MEX3D: variants seen among roughly 807,000 people sequenced by gnomAD.
MEX3D encodes RNA-binding protein MEX3D.
Under a neutral mutation model 6.3 loss-of-function variants are expected in MEX3D, and 4 were observed. The observed-to-expected ratio is 0.64, with a 90% CI of 0.31 to 1.46. The LOEUF (loss-of-function observed/expected upper bound fraction) is 1.46, where lower values mean the gene tolerates loss of function less well. MEX3D is among the 40% of genes most tolerant of loss of function. The probability of loss-of-function intolerance (pLI) is 0.07; values close to 1 mark genes in which losing one functional copy is unlikely to be tolerated. For missense variants in MEX3D, 1,038 were observed against 994.4 expected (o/e 1.04, Z -0.59); for synonymous variants, 626 against 494.1 (o/e 1.27, Z -3.54).
In MEX3D at chr19:1,555,830, C is replaced by T; in HGVS notation, c.1689G>A (p.Ser563=). The stretch of plus-strand genomic sequence containing the variant: ...CGGCGGCCGCGGGGCTGCTGGGCAG[C>T]GAGGTGGCCGTGGAGAAGGCGGCGC... The part of the protein sequence containing the change: ...PGGAAFSTAT[S]LPSSPAAAAC... Residue 563 remains serine, a synonymous_variant, in exon 2 of 2, where the codon TCG becomes TCA. Transcript: ENST00000402693. 3.0e-6 allele frequency: 4 copies of T among 1,351,182 alleles called. No homozygotes were observed. In the South Asian group the frequency reaches 6.9e-5, roughly 23 times the overall value. The allele number at this position is 1,351,182 out of a possible 1,614,324, so 83.7% of individuals were successfully genotyped here. A position where few individuals can be genotyped will look rare whatever the true frequency, so the allele number is the denominator to read the frequency against.
rs761348614 is a variant in MEX3D at position 1,556,672 on chromosome 19, G to A, written c.847C>T (p.Arg283Trp). 1 of 1,610,710 alleles carries A rather than the reference G, an allele frequency of 6.2e-7. No individual in the cohort carries two copies. The part of the protein sequence containing the change: ...QTTIQVRVPY[R>W]VVGLVVGPKG... ...GGCCCCACCACCAGCCCCACCACCC[G>A]GTAGGGCACGCGCACCTGGATGGTG... The change falls in exon 2 of 2, where the codon CGG becomes TGG. Residue 283 changes from arginine (R) to tryptophan (W), a missense_variant. Arg to Trp is a moderately radical substitution (Grantham distance 101). Coordinates refer to ENST00000402693, the MANE Select transcript of MEX3D (RefSeq NM_203304.4). The surrounding 1 kb of genome is among the most constrained non-coding windows in gnomAD (Gnocchi z 7.5).
Position 1,555,209 on chromosome 19 carries a change from A to T in MEX3D, c.*354T>A. Reference sequence around the variant, plus strand: ...AAGGAAAAAACGCTGAGCGCTGGAAAAGTCGTGTTTTTTGTTTTGCTTTTT... The same window carrying T: ...AAGGAAAAAACGCTGAGCGCTGGAATAGTCGTGTTTTTTGTTTTGCTTTTT... On this transcript the variant is annotated 3_prime_UTR_variant, in exon 2 of 2. Coordinates refer to ENST00000402693, the MANE Select transcript of MEX3D (RefSeq NM_203304.4). 1 of 1,014,616 alleles carries T rather than the reference A, an allele frequency of 9.9e-7. No homozygotes were observed. The highest frequency in any genetic ancestry group is 1.3e-6 in the Non-Finnish European group (1 of 751,354). 62.9% of individuals were successfully genotyped at this position (1,014,616 alleles called of 1,614,324 possible).
In MEX3D at chr19:1,556,141, G is replaced by GGAAGTC. The variant is rs751113265; in HGVS notation, c.1372_1377dup (p.Asp458_Phe459dup). 2.3e-3 allele frequency: 3,465 copies of GGAAGTC among 1,475,228 alleles called. 7 individuals are homozygous for GGAAGTC. Among genetic ancestry groups the GGAAGTC allele is most frequent in the Non-Finnish European group, 2.9e-3 (3,274 of 1,113,398 alleles). The allele number at this position is 1,475,228 out of a possible 1,614,324, so 91.4% of individuals were successfully genotyped here. ...GCGGGCACGGTCAGGTCCAGCGCCA[G>GGAAGTC]GAAGTCGAAGTCGAAGCCGAAGTCG... On this transcript the variant is annotated inframe_insertion, in exon 2 of 2. Coordinates refer to ENST00000402693, the MANE Select transcript of MEX3D (RefSeq NM_203304.4). The surrounding 1 kb of genome is among the most constrained non-coding windows in gnomAD (Gnocchi z 7.5).
In MEX3D at chr19:1,567,137, C is replaced by G. The variant is rs1038185121; in HGVS notation, c.595+327G>C. 5.3e-5 allele frequency among the ~76,000 whole-genome samples: 8 copies of G among 152,068 alleles called. No homozygotes were observed. The highest frequency in any genetic ancestry group is 7.4e-5 in the Non-Finnish European group (5 of 67,966). On this transcript the variant is annotated intron_variant, in intron 1 of 1. Coordinates refer to ENST00000402693, the MANE Select transcript of MEX3D (RefSeq NM_203304.4). The surrounding 1 kb of genome is among the most constrained non-coding windows in gnomAD (Gnocchi z 6.5). Reference sequence around the variant, plus strand: ...CCGCCCGGCCGGAGCCCCGGGCCCTCGAGCCCCTCTCTGGGGTGCCCCTGC... The same window carrying G: ...CCGCCCGGCCGGAGCCCCGGGCCCTGGAGCCCCTCTCTGGGGTGCCCCTGC...
chr19:1,557,565 A>G (rs771968656), intron 1 of MEX3D, among the ~76,000 whole-genome samples: 17 of 113,788 alleles, frequency 1.5e-4, no homozygotes, highest in Non-Finnish European at 2.6e-4. Context: ...GACTCCAACT[A>G]AAAAAAAAAA....
chr19:1,556,304 G>T lies in MEX3D; in HGVS notation c.1215C>A (p.Phe405Leu). Reference sequence around the variant, plus strand: ...AGGGGCCGCCGCGGCTGCCCGCGTAGAAGGCCTCGGGGGCGCTGGGGGCGC... The same window carrying T: ...AGGGGCCGCCGCGGCTGCCCGCGTATAAGGCCTCGGGGGCGCTGGGGGCGC... Reference protein sequence around the residue: ...ALGAPSAPEAFYAGSRGGPSV... With the variant: ...ALGAPSAPEALYAGSRGGPSV... The change falls in exon 2 of 2, where the codon TTC becomes TTA. Residue 405 changes from phenylalanine (F) to leucine (L), a missense_variant. This residue lies in a region of MEX3D where 581 missense variants were observed against 516.2 expected (regional missense o/e 1.13). Coordinates refer to ENST00000402693, the MANE Select transcript of MEX3D (RefSeq NM_203304.4). This position sits in a 1 kb window ranked among gnomAD's most constrained non-coding sequence, Gnocchi z 7.5. 7.7e-7 allele frequency: 1 copy of T among 1,300,998 alleles called. No individual in the cohort carries two copies. The highest frequency in any genetic ancestry group is 9.7e-7 in the Non-Finnish European group (1 of 1,028,580). The allele number at this position is 1,300,998 out of a possible 1,614,324, so 80.6% of individuals were successfully genotyped here.
At chr19:1,560,905 C>T (rs528665782) in intron 1 of MEX3D, among the ~76,000 whole-genome samples, 1 of 152,312 alleles carries the variant, frequency 6.6e-6, no homozygotes, top group South Asian at 2.1e-4. Flanking sequence ...TCCCAGCCCA[C>T]CCCTGCCCCA....
intron 1 of MEX3D, among the ~76,000 whole-genome samples, chr19:1,564,005 C>T (rs1914780603): frequency 6.6e-6 from 1 of 150,660 alleles, no homozygotes; most frequent in African/African-American, 2.4e-5. Flanking sequence ...GACAGGGTTT[C>T]GCCATGTTGG....
At chr19:1,561,989 C>T (rs181095438) in intron 1 of MEX3D, among the ~76,000 whole-genome samples, 55 of 151,654 alleles carry the variant, frequency 3.6e-4, no homozygotes, top group African/African-American at 1.2e-3. Flanking sequence ...TGGCCGGGCA[C>T]GGTGGCTCAC....
Position 1,567,863 on chromosome 19 carries a change from G to T in MEX3D, c.196C>A (p.Leu66Met). The T allele has an allele frequency of 1.0e-6, 1 of 1,001,614 alleles. No individual in the cohort carries two copies. The highest frequency in any genetic ancestry group is 1.2e-6 in the Non-Finnish European group (1 of 842,132). 62.0% of individuals were successfully genotyped at this position (1,001,614 alleles called of 1,614,324 possible). Residue 66 changes from leucine (L) to methionine (M), a missense_variant, in exon 1 of 2, where the codon CTG (leucine) becomes ATG (methionine). Physicochemically the swap from Leu to Met is conservative, Grantham distance 15. This residue lies in a region of MEX3D where 265 missense variants were observed against 206.3 expected (regional missense o/e 1.28). Coordinates refer to ENST00000402693, the MANE Select transcript of MEX3D (RefSeq NM_203304.4). The surrounding 1 kb of genome is among the most constrained non-coding windows in gnomAD (Gnocchi z 6.5). ...GCGCCCCCCAGCCCGAGCGCCGACA[G>T]CTGGTCCAGCGCCAGGCGGAGCGCG... is the stretch of plus-strand genomic sequence containing the variant. ...AAALRLALDQ[L>M]SALGLGGAGD...
Position 1,568,200 on chromosome 19 carries a change from C to T in MEX3D, c.-142G>A. The T allele has an allele frequency of 2.3e-6, 1 of 443,282 alleles. No individual in the cohort carries two copies. Among genetic ancestry groups the T allele is most frequent in the Non-Finnish European group, 2.9e-6 (1 of 344,874 alleles). The allele number at this position is 443,282 out of a possible 1,614,324, so 27.5% of individuals were successfully genotyped here. A position where few individuals can be genotyped will look rare whatever the true frequency, so the allele number is the denominator to read the frequency against. On this transcript the variant is annotated 5_prime_UTR_variant, in exon 1 of 2. Transcript: ENST00000402693. Reference sequence around the variant, plus strand: ...GGCACGGGGGGCCGGGCGGGCGGGGCGGCGGCGGCGCGGGGCTGCTCGGGG... The same window carrying T: ...GGCACGGGGGGCCGGGCGGGCGGGGTGGCGGCGGCGCGGGGCTGCTCGGGG...
At position 1,555,620 on chromosome 19, in the gene MEX3D, C is replaced by A; in HGVS notation, c.1899G>T (p.Glu633Asp). 1.9e-6 allele frequency: 3 copies of A among 1,591,488 alleles called. No homozygotes were observed. Among genetic ancestry groups the A allele is most frequent in the Non-Finnish European group, 2.6e-6 (3 of 1,171,296 alleles). Residue 633 changes from glutamate to aspartate, a missense_variant, in exon 2 of 2, where the codon GAG (glutamate) becomes GAT (aspartate). Glu to Asp is a conservative substitution (Grantham distance 45, BLOSUM62 2). Around this residue, in one of 5 missense-constraint regions of MEX3D, gnomAD observed 581 missense variants for 516.2 expected, o/e 1.13. Transcript: ENST00000402693. ...GCGTGCGGCAGGCGGGACACTCGGGCTCGCTCTTGCCGCAGATGCGGACGG... is the reference window on the plus strand; with the variant it reads ...GCGTGCGGCAGGCGGGACACTCGGGATCGCTCTTGCCGCAGATGCGGACGG... The part of the protein sequence containing the change: ...DCAVRICGKS[E>D]PECPACRTPA...
intron 1 of MEX3D, among the ~76,000 whole-genome samples, chr19:1,560,334 G>T (rs1914686032): frequency 6.6e-6 from 1 of 152,244 alleles, no homozygotes; most frequent in East Asian, 1.9e-4. Context: ...GGGGAAGGAG[G>T]TGCCACCCAC....
chr19:1,555,684 AGCGCAG>A lies in MEX3D; in HGVS notation c.1829_1834del (p.Ala610_Leu612delinsVal). 1 of 1,573,438 alleles carries A rather than the reference AGCGCAG, an allele frequency of 6.4e-7. No homozygotes were observed. The highest frequency in any genetic ancestry group is 8.6e-7 in the Non-Finnish European group (1 of 1,163,820). On this transcript the variant is annotated inframe_deletion, in exon 2 of 2. Coordinates refer to ENST00000402693, the MANE Select transcript of MEX3D (RefSeq NM_203304.4). ...GAAGAGGTTGTGGCCGCAGGGGACC[AGCGCAG>A]CCATCACCTCGCCCTCGGCGCACAC...
At chr19:1,559,467 T>C (rs978301464) in intron 1 of MEX3D, among the ~76,000 whole-genome samples, 1 of 152,152 alleles carries the variant, frequency 6.6e-6, no homozygotes, top group Non-Finnish European at 1.5e-5. Context: ...GATCTCACTA[T>C]ATTGCCCAGG....
chr19:1,556,692 A>G lies in MEX3D; in HGVS notation c.827T>C (p.Ile276Thr), dbSNP rs1914575779. Residue 276 changes from isoleucine (I) to threonine (T), a missense_variant, in exon 2 of 2, where the codon ATC becomes ACC. Transcript: ENST00000402693. The surrounding 1 kb of genome is among the most constrained non-coding windows in gnomAD (Gnocchi z 7.5). ...GPPNLPGQTTIQVRVPYRVVG... is the reference protein window; with the variant it reads ...GPPNLPGQTTTQVRVPYRVVG... The stretch of plus-strand genomic sequence containing the variant: ...CACCCGGTAGGGCACGCGCACCTGG[A>G]TGGTGGTCTGTCCGGGAAGGTTGGG... 2 of 1,610,744 alleles carry G rather than the reference A, an allele frequency of 1.2e-6. No individual in the cohort carries two copies. Among genetic ancestry groups the G allele is most frequent in the East Asian group, 2.2e-5 (1 of 44,800 alleles).
chr19:1,561,401 C>T (rs909697818), intron 1 of MEX3D, among the ~76,000 whole-genome samples: 10 of 152,326 alleles, frequency 6.6e-5, no homozygotes, highest in East Asian at 1.9e-4. Flanking sequence ...CAGTCCAACA[C>T]GCAGCCGCCC....
intron 1 of MEX3D, among the ~76,000 whole-genome samples, chr19:1,566,234 C>A (rs78422200): frequency 2.6e-3 from 398 of 152,310 alleles, no homozygotes; most frequent in African/African-American, 8.8e-3. Context: ...CACTCCAGAG[C>A]ATGCTTCCTG....
At position 1,567,841 on chromosome 19, in the gene MEX3D, C is replaced by A. The variant is rs949929678; in HGVS notation, c.218G>T (p.Gly73Val). 2.0e-6 allele frequency: 2 copies of A among 1,001,024 alleles called. No homozygotes were observed. The highest frequency in any genetic ancestry group is 8.1e-5 in the South Asian group (2 of 24,788). The allele number at this position is 1,001,024 out of a possible 1,614,324, so 62.0% of individuals were successfully genotyped here. Residue 73 changes from glycine to valine, a missense_variant, in exon 1 of 2, where the codon GGC (glycine) becomes GTC (valine). By Grantham distance (109) the Gly-to-Val change is moderately radical. Around this residue, in one of 5 missense-constraint regions of MEX3D, gnomAD observed 265 missense variants for 206.3 expected, o/e 1.28. Transcript: ENST00000402693. The surrounding 1 kb of genome is among the most constrained non-coding windows in gnomAD (Gnocchi z 6.5). Reference sequence around the variant, plus strand: ...CCCCTCCTCGTCCGTGTCGCCAGCGCCCCCCAGCCCGAGCGCCGACAGCTG... The same window carrying A: ...CCCCTCCTCGTCCGTGTCGCCAGCGACCCCCAGCCCGAGCGCCGACAGCTG... ...LDQLSALGLG[G>V]AGDTDEEGAA...
Sources: allele counts gnomAD v4.1 joint callset (sites outside exome capture counted in the v4.1 genomes callset), GRCh38; gene constraint gnomAD v4.1.1; regional missense constraint gnomAD v4.1.1; non-coding constraint Gnocchi (gnomAD v3.1); transcripts MANE v1.5; gene names NCBI Gene and HGNC (gene_info 2026-07-23, HGNC 2026-07-21).